The following ASIC2 variants were observed in gnomAD, a reference collection of about 807,000 sequenced individuals.
ASIC2 encodes acid sensing ion channel subunit 2.
ASIC2 carries 25 observed loss-of-function variants against 57.3 expected under a neutral mutation model. That is an observed-to-expected ratio of 0.44 (90% CI 0.32 to 0.61). The LOEUF (loss-of-function observed/expected upper bound fraction) is 0.61, where lower values mean the gene tolerates loss of function less well. ASIC2 is among the 20% of genes least tolerant of loss of function. The pLI is 0.06. For missense variants in ASIC2, 641 were observed against 738.1 expected (o/e 0.87, Z 1.52); for synonymous variants, 319 against 307.5 (o/e 1.04, Z -0.39).
At chr17:34,124,801 G>A (rs1026338930) in intron 1 of ASIC2, among the ~76,000 whole-genome samples, 4 of 151,822 alleles carry the variant, frequency 2.6e-5, no homozygotes, top group South Asian at 2.1e-4. Context: ...CGCTAATGCC[G>A]TCATGGGGTC....
intron 1 of ASIC2, among the ~76,000 whole-genome samples, chr17:33,515,002 T>C (rs1015567870): frequency 3.9e-5 from 6 of 152,216 alleles, no homozygotes; most frequent in African/African-American, 1.4e-4. Flanking sequence ...TGAGAAGTCA[T>C]GCTTTCTTTT....
chr17:33,639,288 G>A (rs1027436767), intron 1 of ASIC2, among the ~76,000 whole-genome samples: 1 of 152,106 alleles, frequency 6.6e-6, no homozygotes, highest in Non-Finnish European at 1.5e-5. Context: ...TGAGAAATGT[G>A]ACCAGACAAA....
intron 1 of ASIC2, among the ~76,000 whole-genome samples, chr17:33,939,971 G>A (rs372556722): frequency 1.3e-5 from 2 of 152,156 alleles, no homozygotes; most frequent in Non-Finnish European, 2.9e-5. Flanking sequence ...GGTGACTCCT[G>A]AGAATTTGGA....
In ASIC2 at chr17:33,079,693, C is replaced by T. The variant is rs540439937; in HGVS notation, c.987+9170G>A. On this transcript the variant is annotated intron_variant, in intron 3 of 9. Transcript: ENST00000225823. ...GGTGAAAAAAACATAAGGAACTGAA[C>T]TAAAGTAGTGTCTGGGGTGGGGGAT... is the stretch of plus-strand genomic sequence containing the variant. 1.2e-3 allele frequency among the ~76,000 whole-genome samples: 179 copies of T among 152,180 alleles called. 1 individual carries two copies. Among genetic ancestry groups the T allele is most frequent in the African/African-American group, 4.0e-3 (168 of 41,508 alleles).
At chr17:33,337,179 G>C (rs1212929308) in intron 1 of ASIC2, among the ~76,000 whole-genome samples, 1 of 152,150 alleles carries the variant, frequency 6.6e-6, no homozygotes, top group Admixed American at 6.5e-5. Context: ...TGGCACTCCA[G>C]TGAGGTAGCA....
intron 1 of ASIC2, among the ~76,000 whole-genome samples, chr17:33,563,813 A>G (rs4550494): frequency 0.57 from 86,150 of 151,974 alleles, 25,572 homozygotes; most frequent in African/African-American, 0.75. Context: ...AGCAAAGGAG[A>G]TGGGTGGGAT....
intron 1 of ASIC2, among the ~76,000 whole-genome samples, chr17:33,484,494 G>C (rs1170977264): frequency 6.6e-6 from 1 of 152,130 alleles, no homozygotes; most frequent in Non-Finnish European, 1.5e-5. Context: ...CAGGTGAAAT[G>C]AATTTTAATA....
intron 2 of ASIC2, among the ~76,000 whole-genome samples, chr17:33,107,503 G>T (rs1421673009): frequency 1.3e-5 from 2 of 152,066 alleles, no homozygotes; most frequent in Non-Finnish European, 2.9e-5. Context: ...CTCGTTTTGG[G>T]GCATACTCTC....
At chr17:33,687,900 AATTTT>A (rs767351574) in intron 1 of ASIC2, among the ~76,000 whole-genome samples, 1 of 152,126 alleles carries the variant, frequency 6.6e-6, no homozygotes, top group African/African-American at 2.4e-5. Flanking sequence ...AATTACCTAT[AATTTT>A]GCTGCTTCAG....
At chr17:33,434,768 A>G (rs1055700717) in intron 1 of ASIC2, among the ~76,000 whole-genome samples, 1 of 152,244 alleles carries the variant, frequency 6.6e-6, no homozygotes, top group Non-Finnish European at 1.5e-5. Context: ...TTAAATGCAT[A>G]GCCTTATGAA....
At chr17:33,183,471 T>A (rs1050623477) in intron 1 of ASIC2, among the ~76,000 whole-genome samples, 1 of 152,134 alleles carries the variant, frequency 6.6e-6, no homozygotes. Flanking sequence ...AAGTTGCTGA[T>A]GCATGAAAAG....
At position 34,148,353 on chromosome 17, in the gene ASIC2, CA is replaced by C. The variant is rs141663892; in HGVS notation, c.555+7624del. ...TATATACCCCTGAAAGCACGACTTC[CA>C]GAGAGCTTACAGCTTAAAGTTCTAA... On this transcript the variant is annotated intron_variant, in intron 1 of 9. Transcript: ENST00000359872. 7.3e-3 allele frequency among the ~76,000 whole-genome samples: 1,106 copies of C among 152,274 alleles called. 16 individuals are homozygous for C. Among genetic ancestry groups the C allele is most frequent in the African/African-American group, 0.025 (1,054 of 41,560 alleles).
intron 1 of ASIC2, among the ~76,000 whole-genome samples, chr17:33,664,048 T>C (rs895025626): frequency 1.3e-5 from 2 of 152,200 alleles, no homozygotes; most frequent in Non-Finnish European, 2.9e-5. Flanking sequence ...AAATGCGTCC[T>C]ATAAAATTCT....
chr17:34,039,568 C>A, intron 1 of ASIC2: 1 of 1,613,974 alleles, frequency 6.2e-7, no homozygotes, highest in Non-Finnish European at 8.5e-7. Flanking sequence ...TGGAACACTT[C>A]TGCCAGGGCT....
At chr17:33,130,358 C>A (rs892155826) in intron 1 of ASIC2, among the ~76,000 whole-genome samples, 2 of 152,124 alleles carry the variant, frequency 1.3e-5, no homozygotes, top group Non-Finnish European at 2.9e-5. Flanking sequence ...ACAAGAATGG[C>A]AAAATGTTAA....
At chr17:33,142,183 T>C (rs902420762) in intron 1 of ASIC2, among the ~76,000 whole-genome samples, 1 of 152,128 alleles carries the variant, frequency 6.6e-6, no homozygotes, top group African/African-American at 2.4e-5. Flanking sequence ...AATAAACGAA[T>C]GGCAAGGTTT....
intron 1 of ASIC2, among the ~76,000 whole-genome samples, chr17:33,758,375 C>A (rs9911763): frequency 0.031 from 4,740 of 152,148 alleles, 238 homozygotes; most frequent in African/African-American, 0.11. Context: ...TATACAGTCC[C>A]ATTGCATTGT....
chr17:33,079,922 T>G (rs772036493), intron 3 of ASIC2, among the ~76,000 whole-genome samples: 5 of 152,092 alleles, frequency 3.3e-5, no homozygotes, highest in Non-Finnish European at 7.4e-5. Flanking sequence ...GTTTTGAATC[T>G]AGGGGAGCAT....
chr17:33,693,606 C>G (rs1908438169), intron 1 of ASIC2, among the ~76,000 whole-genome samples: 1 of 152,142 alleles, frequency 6.6e-6, no homozygotes, highest in South Asian at 2.1e-4. Context: ...TTCTGCGGAC[C>G]AGGTCTGAGG....
Sources: allele counts gnomAD v4.1 joint callset (sites outside exome capture counted in the v4.1 genomes callset), GRCh38; gene constraint gnomAD v4.1.1; transcripts MANE v1.5; gene names NCBI Gene and HGNC (gene_info 2026-07-23, HGNC 2026-07-21).